Variants in INTS9 observed in about 807,000 individuals in gnomAD.
INTS9 encodes integrator complex subunit 9.
In INTS9, 55 loss-of-function variants were observed where a neutral mutation model predicts 79.7. That is an observed-to-expected ratio of 0.69 (90% CI 0.56 to 0.86). The LOEUF is 0.86. Among genes scored for constraint, INTS9 ranks in the 40% least tolerant of loss-of-function variants. The probability of loss-of-function intolerance (pLI) is 0.00; values close to 1 mark genes in which losing one functional copy is unlikely to be tolerated. For synonymous variants in INTS9, 319 were observed against 325.2 expected, an observed-to-expected ratio of 0.98 and a Z score of 0.20; for missense variants, 721 against 831.5, an observed-to-expected ratio of 0.87 and a Z score of 1.64.
Position 28,780,905 on chromosome 8 carries a change from C to T in INTS9, c.1188G>A (p.Gly396=). The T allele has an allele frequency of 1.9e-6, 3 of 1,614,114 alleles. No homozygotes were observed. The highest frequency in any genetic ancestry group is 2.5e-6 in the Non-Finnish European group (3 of 1,180,018). Residue 396 remains glycine (G), a synonymous_variant, in exon 12 of 17, where the codon GGG becomes GGA. Coordinates refer to ENST00000521022, the MANE Select transcript of INTS9 (RefSeq NM_018250.4). ...CGTCCCCGAAGCGGAGGGAAGGGTG[C>T]CCGGTGAACACCACACAGGGCTGTC... ...DFRQPCVVFT[G]HPSLRFGDVV... is the part of the protein sequence containing the mutation.
intron 15 of INTS9, 105 bp downstream of exon 15, chr8:28,770,877 T>C (rs1484423962): frequency 1.2e-6 from 1 of 838,652 alleles, no homozygotes; most frequent in East Asian, 2.7e-5. Context: ...GAAATAATTC[T>C]TCAACAAGAA....
chr8:28,879,984 T>A (rs1354978082), intron 1 of INTS9, among the ~76,000 whole-genome samples: 1 of 152,108 alleles, frequency 6.6e-6, no homozygotes, highest in Non-Finnish European at 1.5e-5. Context: ...TGAAATCTAC[T>A]AAAAGTCATT....
intron 1 of INTS9, among the ~76,000 whole-genome samples, chr8:28,874,933 G>T (rs1809296733): frequency 6.6e-6 from 1 of 152,206 alleles, no homozygotes; most frequent in Non-Finnish European, 1.5e-5. Flanking sequence ...CCACGTGGCT[G>T]GGAAGGTCTC....
At chr8:28,814,537 CAA>C (rs1219912062) in intron 6 of INTS9, among the ~76,000 whole-genome samples, 1 of 152,090 alleles carries the variant, frequency 6.6e-6, no homozygotes, top group African/African-American at 2.4e-5. Flanking sequence ...AACCTAAAAA[CAA>C]GAGGAACTGT....
At chr8:28,859,341 C>T (rs774110245) in intron 2 of INTS9, 95 bp downstream of exon 2, 454 of 1,361,840 alleles carry the variant, frequency 3.3e-4, no homozygotes, top group Non-Finnish European at 4.0e-4. Flanking sequence ...AGCAAACTTA[C>T]GACAATATAC....
intron 1 of INTS9, among the ~76,000 whole-genome samples, chr8:28,861,534 T>C (rs1440310987): frequency 6.6e-6 from 1 of 152,256 alleles, no homozygotes; most frequent in Non-Finnish European, 1.5e-5. Context: ...TCCGATTTTC[T>C]TCTTTCAGCT....
chr8:28,889,863 C>T lies in INTS9; in HGVS notation c.9+11G>A, dbSNP rs1338596190. The T allele has an allele frequency of 4.3e-6, 7 of 1,613,734 alleles. No homozygotes were observed. The highest frequency in any genetic ancestry group is 2.2e-5 in the East Asian group (1 of 44,892). On this transcript the variant is annotated intron_variant, in intron 1 of 16. Coordinates refer to ENST00000521022, the MANE Select transcript of INTS9 (RefSeq NM_018250.4). ...TCACCTTTGCCCTCTGACCTAGGAG[C>T]GAAGACTCACCAGTTTCATAATGGA...
chr8:28,876,071 T>G (rs1411684629), intron 1 of INTS9, among the ~76,000 whole-genome samples: 2 of 152,180 alleles, frequency 1.3e-5, no homozygotes, highest in Non-Finnish European at 2.9e-5. Flanking sequence ...AGATTTTTTT[T>G]TGGGGGGTGT....
intron 2 of INTS9, among the ~76,000 whole-genome samples, chr8:28,855,425 GAAC>G (rs1199054479): frequency 2.0e-5 from 3 of 152,320 alleles, no homozygotes; most frequent in African/African-American, 7.2e-5. Flanking sequence ...GGGGAAAATG[GAAC>G]CATGTGCCTT....
intron 2 of INTS9, among the ~76,000 whole-genome samples, chr8:28,854,287 T>C (rs1563299496): frequency 1.3e-5 from 2 of 152,230 alleles, no homozygotes; most frequent in Admixed American, 1.3e-4. Context: ...CAGTGCAAAC[T>C]GTTGGAATGA....
intron 11 of INTS9, among the ~76,000 whole-genome samples, chr8:28,786,877 C>A (rs548455882): frequency 6.7e-4 from 102 of 152,234 alleles, no homozygotes; most frequent in African/African-American, 2.4e-3. Context: ...GCCACCACGC[C>A]TGGCTAATTT....
intron 1 of INTS9, among the ~76,000 whole-genome samples, chr8:28,873,792 C>G (rs1809216293): frequency 6.6e-6 from 1 of 152,226 alleles, no homozygotes; most frequent in African/African-American, 2.4e-5. Flanking sequence ...GTCGATGTGA[C>G]TGAGAATATG....
chr8:28,818,448 T>C (rs1805631185), intron 6 of INTS9, among the ~76,000 whole-genome samples: 2 of 152,238 alleles, frequency 1.3e-5, no homozygotes, highest in South Asian at 4.1e-4. Flanking sequence ...ATATGCTGGA[T>C]TACATTTCTT....
At chr8:28,789,475 G>C (rs754100249) in intron 10 of INTS9, among the ~76,000 whole-genome samples, 1 of 136,910 alleles carries the variant, frequency 7.3e-6, no homozygotes, top group African/African-American at 2.5e-5. Flanking sequence ...GTGTATACCA[G>C]ATTATCAGGA....
At chr8:28,889,700 A>G in intron 1 of INTS9, 174 bp downstream of exon 1, 1 of 629,078 alleles carries the variant, frequency 1.6e-6, no homozygotes, top group Non-Finnish European at 2.8e-6. Flanking sequence ...GGTGGGGGAG[A>G]GGGAATTCAA....
At chr8:28,818,698 T>C (rs1189040363) in intron 6 of INTS9, among the ~76,000 whole-genome samples, 1 of 151,434 alleles carries the variant, frequency 6.6e-6, no homozygotes, top group Non-Finnish European at 1.5e-5. Context: ...CCTCTTTTTC[T>C]ATTGATTGGA....
intron 1 of INTS9, among the ~76,000 whole-genome samples, chr8:28,876,548 G>C (rs953478982): frequency 1.3e-5 from 2 of 152,136 alleles, no homozygotes; most frequent in African/African-American, 4.8e-5. Flanking sequence ...CAAGCCAAAA[G>C]TCAGTATCAC....
intron 1 of INTS9, among the ~76,000 whole-genome samples, chr8:28,886,244 C>T (rs1810168429): frequency 6.6e-6 from 1 of 151,830 alleles, no homozygotes. Context: ...ACCTTAAAAA[C>T]TTTTTTTTGT....
At chr8:28,809,651 C>T (rs986174547) in intron 8 of INTS9, among the ~76,000 whole-genome samples, 1 of 152,094 alleles carries the variant, frequency 6.6e-6, no homozygotes, top group African/African-American at 2.4e-5. Context: ...CTAAGCAGGA[C>T]AAATCGCGAG....
Sources: allele counts gnomAD v4.1 joint callset (sites outside exome capture counted in the v4.1 genomes callset), GRCh38; gene constraint gnomAD v4.1.1; transcripts MANE v1.5; gene names NCBI Gene and HGNC (gene_info 2026-07-23, HGNC 2026-07-21).